Variants in CKAP2 observed in about 807,000 individuals in gnomAD.
The protein encoded by CKAP2 is cytoskeleton-associated protein 2.
Under a neutral mutation model 58.4 loss-of-function variants are expected in CKAP2, and 46 were observed. That is an observed-to-expected ratio of 0.79 (90% CI 0.62 to 1.01). CKAP2 has a LOEUF of 1.01. Among genes scored for constraint, CKAP2 ranks in the 50% least tolerant of loss-of-function variants. The probability of loss-of-function intolerance (pLI) is 0.00; values close to 1 mark genes in which losing one functional copy is unlikely to be tolerated. For missense variants in CKAP2, 809 were observed against 796.4 expected (o/e 1.02, Z -0.19); for synonymous variants, 293 against 280.9 (o/e 1.04, Z -0.43).
At chr13:52,468,036 T>G (rs1958706667) in intron 6 of CKAP2, among the ~76,000 whole-genome samples, 1 of 152,158 alleles carries the variant, frequency 6.6e-6, no homozygotes, top group South Asian at 2.1e-4. Context: ...GGTCTTGATC[T>G]CCTGACCTCG....
At position 52,461,362 on chromosome 13, in the gene CKAP2, G is replaced by T; in HGVS notation, c.536G>T (p.Arg179Leu). ...MPKKPVLGSY[R>L]GQIVQSKINS... ...AAGAAACCTGTGCTTGGATCTTATC[G>T]TGGCCAGATTGTTCAGTCTAAGATT... The change falls in exon 4 of 9, where the codon CGT becomes CTT. Residue 179 changes from arginine to leucine, a missense_variant. By Grantham distance (102) the Arg-to-Leu change is moderately radical (BLOSUM62 -2). Transcript: ENST00000258607. 6.2e-7 allele frequency: 1 copy of T among 1,614,128 alleles called. No individual in the cohort carries two copies. The highest frequency in any genetic ancestry group is 8.5e-7 in the Non-Finnish European group (1 of 1,180,014).
chr13:52,464,917 G>C (rs900226618), intron 5 of CKAP2, among the ~76,000 whole-genome samples: 7 of 151,996 alleles, frequency 4.6e-5, no homozygotes, highest in Non-Finnish European at 1.0e-4. Flanking sequence ...CTCAGTTTAA[G>C]TTTTTCCTTT....
intron 1 of CKAP2, chr13:52,456,034 C>A: frequency 9.6e-7 from 1 of 1,042,728 alleles, no homozygotes; most frequent in South Asian, 4.4e-5. Flanking sequence ...GCTGGGGTCG[C>A]ATCATGTGTT....
chr13:52,459,892 T>G (rs1958543219), intron 2 of CKAP2, among the ~76,000 whole-genome samples: 1 of 152,132 alleles, frequency 6.6e-6, no homozygotes, highest in Non-Finnish European at 1.5e-5. Context: ...AGAGATGATC[T>G]CATTCTGTGT....
At chr13:52,466,509 G>T (rs1403753078) in intron 6 of CKAP2, among the ~76,000 whole-genome samples, 1 of 152,196 alleles carries the variant, frequency 6.6e-6, no homozygotes, top group Admixed American at 6.5e-5. Context: ...ATGCTACCTG[G>T]AGGGGAGTGT....
intron 2 of CKAP2, among the ~76,000 whole-genome samples, chr13:52,457,015 C>G (rs1272748135): frequency 6.6e-6 from 1 of 152,048 alleles, no homozygotes; most frequent in African/African-American, 2.4e-5. Flanking sequence ...GCCTCAGCTT[C>G]CCAAATACCT....
rs1224255490 is a variant in CKAP2 at position 52,475,075 on chromosome 13, T to G, written c.1983T>G (p.Thr661=). The stretch of plus-strand genomic sequence containing the variant: ...AGCTAACGGAGTTGGGAAGAGAAAC[T>G]GATGCTTTTGTATGCCGCCCTAATG... The part of the protein sequence containing the change: ...LEQLTELGRE[T]DAFVCRPNAA... The change falls in exon 9 of 9, where the codon ACT becomes ACG. Residue 661 remains threonine, a synonymous_variant. Transcript: ENST00000258607. The G allele has an allele frequency of 6.2e-7, 1 of 1,614,218 alleles. No individual in the cohort carries two copies. Among genetic ancestry groups the G allele is most frequent in the Non-Finnish European group, 8.5e-7 (1 of 1,180,038 alleles).
At chr13:52,455,735 C>A (rs1818771008) in intron 1 of CKAP2, 109 bp downstream of exon 1, 1 of 1,221,580 alleles carries the variant, frequency 8.2e-7, no homozygotes, top group Non-Finnish European at 1.1e-6. Flanking sequence ...CTCCCCCGCT[C>A]TGTGAGATCC....
intron 8 of CKAP2, among the ~76,000 whole-genome samples, chr13:52,474,338 T>A (rs1034167382): frequency 3.3e-5 from 5 of 151,690 alleles, no homozygotes; most frequent in Admixed American, 1.3e-4. Flanking sequence ...ATAAAAAAAA[T>A]TTTGGCTGGG....
chr13:52,461,828 G>T lies in CKAP2; in HGVS notation c.1002G>T (p.Met334Ile). The T allele has an allele frequency of 6.2e-7, 1 of 1,614,062 alleles. No individual in the cohort carries two copies. The highest frequency in any genetic ancestry group is 8.5e-7 in the Non-Finnish European group (1 of 1,179,976). ...RPASLSNDKL[M>I]EKSEPVDQRR... Reference sequence around the variant, plus strand: ...CTTCATTGTCTAATGATAAACTGATGGAAAAGTCAGAGCCCGTTGACCAGC... The same window carrying T: ...CTTCATTGTCTAATGATAAACTGATTGAAAAGTCAGAGCCCGTTGACCAGC... Residue 334 changes from methionine (M) to isoleucine (I), a missense_variant, in exon 4 of 9, where the codon ATG becomes ATT. Coordinates refer to ENST00000258607, the MANE Select transcript of CKAP2 (RefSeq NM_018204.5).
At chr13:52,474,214 G>GCCC in intron 8 of CKAP2, 130 bp downstream of exon 8, 1 of 902,962 alleles carries the variant, frequency 1.1e-6, no homozygotes, top group Non-Finnish European at 1.6e-6. Flanking sequence ...GTACGGGCAT[G>GCCC]GTGGCTCACG....
intron 7 of CKAP2, among the ~76,000 whole-genome samples, chr13:52,471,244 ATC>A (rs1958758214): frequency 6.6e-6 from 1 of 152,132 alleles, no homozygotes; most frequent in South Asian, 2.1e-4. Context: ...TCATAAAAAG[ATC>A]TCTCATAATT....
intron 2 of CKAP2, among the ~76,000 whole-genome samples, chr13:52,457,802 C>G (rs923542026): frequency 6.6e-6 from 1 of 151,702 alleles, no homozygotes; most frequent in Admixed American, 6.6e-5. Flanking sequence ...TGCAGTGAGC[C>G]GAGATCGTGC....
chr13:52,462,714 C>G, intron 5 of CKAP2, 147 bp downstream of exon 5: 1 of 646,094 alleles, frequency 1.5e-6, no homozygotes, highest in South Asian at 2.0e-5. Context: ...GTTATTTTAA[C>G]AATTATTTAA....
intron 6 of CKAP2, among the ~76,000 whole-genome samples, chr13:52,466,920 AC>A (rs199896030): frequency 2.6e-5 from 4 of 151,458 alleles, no homozygotes; most frequent in East Asian, 1.9e-4. Flanking sequence ...AGAGGGTGAG[AC>A]CCCCCATCTC....
Position 52,461,554 on chromosome 13 carries a change from G to A in CKAP2, c.728G>A (p.Ser243Asn), listed in dbSNP as rs1958580301. 4 of 1,614,154 alleles carry A rather than the reference G, an allele frequency of 2.5e-6. No individual in the cohort carries two copies. The highest frequency in any genetic ancestry group is 3.4e-6 in the Non-Finnish European group (4 of 1,180,032). Residue 243 changes from serine (S) to asparagine (N), a missense_variant, in exon 4 of 9, where the codon AGC (serine) becomes AAC (asparagine). Coordinates refer to ENST00000258607, the MANE Select transcript of CKAP2 (RefSeq NM_018204.5). Reference sequence around the variant, plus strand: ...ATGACTGCCACTACTAAATTTGTGAGCACTACATCTCAGAACACACAACTT... The same window carrying A: ...ATGACTGCCACTACTAAATTTGTGAACACTACATCTCAGAACACACAACTT... ...SNMTATTKFV[S>N]TTSQNTQLVR...
intron 7 of CKAP2, 31 bp downstream of exon 7, chr13:52,468,378 T>G: frequency 7.6e-7 from 1 of 1,324,062 alleles, no homozygotes; most frequent in South Asian, 1.3e-5. Flanking sequence ...TTCCTTCATG[T>G]GAACTGTAGT....
At chr13:52,463,206 G>C (rs1397512104) in intron 5 of CKAP2, among the ~76,000 whole-genome samples, 1 of 152,182 alleles carries the variant, frequency 6.6e-6, no homozygotes, top group East Asian at 1.9e-4. Context: ...CCAAAGTGCT[G>C]GGATTACAGG....
intron 5 of CKAP2, among the ~76,000 whole-genome samples, chr13:52,464,327 C>T (rs1251119824): frequency 1.3e-5 from 2 of 151,974 alleles, no homozygotes; most frequent in African/African-American, 2.4e-5. Context: ...CCAAGGCGGG[C>T]GGATCACCCA....
Sources: gnomAD v4.1 joint callset for allele counts (sites outside exome capture counted in the v4.1 genomes callset) on GRCh38, gnomAD v4.1.1 for gene constraint, MANE v1.5 for transcripts, NCBI Gene and HGNC (gene_info 2026-07-23, HGNC 2026-07-21) for gene names.